Variants in FBXL17 observed in about 807,000 individuals in gnomAD.
FBXL17 encodes the protein F-box/LRR-repeat protein 17.
In FBXL17, 22 loss-of-function variants were observed where a neutral mutation model predicts 66.2. The observed-to-expected ratio is 0.33, with a 90% CI of 0.24 to 0.47. FBXL17 has a LOEUF of 0.47. Among genes scored for constraint, FBXL17 ranks in the 20% least tolerant of loss-of-function variants. The probability of loss-of-function intolerance (pLI) is 1.00; values close to 1 mark genes in which losing one functional copy is unlikely to be tolerated. For synonymous variants in FBXL17, 474 were observed against 400.5 expected, an observed-to-expected ratio of 1.18 and a Z score of -2.19; for missense variants, 878 against 948.2, an observed-to-expected ratio of 0.93 and a Z score of 0.97.
intron 4 of FBXL17, among the ~76,000 whole-genome samples, chr5:108,275,705 A>G (rs1283539561): frequency 6.6e-6 from 1 of 152,208 alleles, no homozygotes; most frequent in African/African-American, 2.4e-5. Flanking sequence ...AATGCAGACA[A>G]AGAGAGACTT....
At chr5:108,163,519 G>C (rs1322996255) in intron 6 of FBXL17, among the ~76,000 whole-genome samples, 1 of 150,064 alleles carries the variant, frequency 6.7e-6, no homozygotes, top group Non-Finnish European at 1.5e-5. Flanking sequence ...TCCTGCCTCA[G>C]CCTCCCGAGT....
chr5:108,189,612 G>A (rs918927645), intron 5 of FBXL17, among the ~76,000 whole-genome samples: 29 of 152,098 alleles, frequency 1.9e-4, no homozygotes, highest in Non-Finnish European at 2.8e-4. Flanking sequence ...CAGGACCCAC[G>A]ATTAGGATGG....
At chr5:108,277,300 A>G (rs1757521705) in intron 4 of FBXL17, among the ~76,000 whole-genome samples, 1 of 152,158 alleles carries the variant, frequency 6.6e-6, no homozygotes, top group South Asian at 2.1e-4. Context: ...AAATAATCTG[A>G]TTTTATTGTT....
chr5:108,174,112 T>C (rs973616447), intron 6 of FBXL17, among the ~76,000 whole-genome samples: 1 of 152,166 alleles, frequency 6.6e-6, no homozygotes, highest in Non-Finnish European at 1.5e-5. Context: ...CAGCAAGCTA[T>C]CATAGCATGA....
intron 6 of FBXL17, among the ~76,000 whole-genome samples, chr5:108,121,262 AG>A (rs1217051916): frequency 2.0e-5 from 3 of 152,240 alleles, no homozygotes; most frequent in Non-Finnish European, 2.9e-5. Context: ...CAGCTGACAG[AG>A]GTTGCAGTGA....
rs976156770 is a variant in FBXL17 at position 107,859,135 on chromosome 5, T to G, written c.*2585A>C. The stretch of plus-strand genomic sequence containing the variant: ...TTTTCTTTATCCACTCAAAAAGACA[T>G]TAAAGACAAAGGACCAGAATTTTCC... On this transcript the variant is annotated 3_prime_UTR_variant, in exon 9 of 9. Transcript: ENST00000542267. The G allele has an allele frequency of 6.6e-6, 1 of 152,142 alleles. No individual in the cohort carries two copies. Among genetic ancestry groups the G allele is most frequent in the Non-Finnish European group, 1.5e-5 (1 of 68,024 alleles). The allele number at this position is 152,142 out of a possible 1,614,324, so 9.4% of individuals were successfully genotyped here.
intron 7 of FBXL17, among the ~76,000 whole-genome samples, chr5:107,927,215 A>G (rs1230195279): frequency 6.6e-6 from 1 of 152,160 alleles, no homozygotes; most frequent in Non-Finnish European, 1.5e-5. Context: ...TGACAGAGTG[A>G]TATGTTATAA....
At chr5:108,093,456 C>A (rs923759038) in intron 6 of FBXL17, among the ~76,000 whole-genome samples, 3 of 152,092 alleles carry the variant, frequency 2.0e-5, no homozygotes, top group Admixed American at 6.6e-5. Flanking sequence ...TGATGTGGAG[C>A]ATTAAAACGA....
intron 7 of FBXL17, among the ~76,000 whole-genome samples, chr5:107,956,578 T>C (rs1364995837): frequency 1.3e-5 from 2 of 152,206 alleles, no homozygotes. Context: ...TAATATCTCA[T>C]AGAGATGTTT....
intron 6 of FBXL17, among the ~76,000 whole-genome samples, chr5:108,093,028 C>A (rs1216968326): frequency 6.6e-6 from 1 of 152,034 alleles, no homozygotes; most frequent in Non-Finnish European, 1.5e-5. Context: ...AGACCAATAA[C>A]AAAATTTAAC....
chr5:108,223,343 T>C (rs986482228), intron 5 of FBXL17, among the ~76,000 whole-genome samples: 15 of 152,148 alleles, frequency 9.9e-5, no homozygotes, highest in African/African-American at 2.2e-4. Context: ...TTTCTAATAG[T>C]TGTGAAATGA....
chr5:108,255,193 TAAGA>T (rs1413193591), intron 4 of FBXL17, among the ~76,000 whole-genome samples: 3 of 152,178 alleles, frequency 2.0e-5, no homozygotes, highest in Non-Finnish European at 2.9e-5. Flanking sequence ...TGAAAAACAT[TAAGA>T]TAGACCATAA....
intron 8 of FBXL17, chr5:107,880,234 AT>A (rs1304198509): frequency 1.2e-3 from 433 of 353,880 alleles, no homozygotes; most frequent in Non-Finnish European, 1.6e-3. Context: ...TGCCTGGCTA[AT>A]TTTTTTTTGT....
rs562878106 is a variant in FBXL17 at position 108,108,427 on chromosome 5, T to G, written c.1745+77690A>C. ...AAAGTGTTTAGAAAACTATAAAGTA[T>G]CATGAGCTCTTTAGATATAGGAGTC... is the stretch of plus-strand genomic sequence containing the variant. On this transcript the variant is annotated intron_variant, in intron 6 of 8. Coordinates refer to ENST00000542267, the MANE Select transcript of FBXL17 (RefSeq NM_001163315.3). 3.3e-5 allele frequency among the ~76,000 whole-genome samples: 5 copies of G among 152,308 alleles called. No individual in the cohort carries two copies. The South Asian group carries it at 1.0e-3, about 32-fold the overall frequency.
chr5:108,275,942 A>G (rs1468237311), intron 4 of FBXL17, among the ~76,000 whole-genome samples: 2 of 152,198 alleles, frequency 1.3e-5, no homozygotes, highest in Non-Finnish European at 2.9e-5. Context: ...TGTACATTGC[A>G]TATAGATTTA....
In FBXL17 at chr5:108,012,381, C is replaced by G. The variant is rs143906530; in HGVS notation, c.1822+8544G>C. Among the ~76,000 whole-genome samples, 1,324 of 152,306 alleles carry G rather than the reference C, an allele frequency of 8.7e-3. 22 individuals are homozygous for G. The highest frequency in any genetic ancestry group is 0.029 in the African/African-American group (1,196 of 41,572). ...ATGGCATGCAACTTACATTTGGTAT[C>G]AGCATGGCAAAGTTATAGTGAATAA... On this transcript the variant is annotated intron_variant, in intron 7 of 8. Coordinates refer to ENST00000542267, the MANE Select transcript of FBXL17 (RefSeq NM_001163315.3).
At chr5:107,968,743 C>G (rs757395520) in intron 7 of FBXL17, among the ~76,000 whole-genome samples, 3 of 152,116 alleles carry the variant, frequency 2.0e-5, no homozygotes, top group Non-Finnish European at 4.4e-5. Flanking sequence ...ATCAAATGCA[C>G]TCTGTACTTT....
chr5:108,140,172 A>G (rs115713418), intron 6 of FBXL17, among the ~76,000 whole-genome samples: 6 of 152,082 alleles, frequency 3.9e-5, no homozygotes, highest in Non-Finnish European at 5.9e-5. Flanking sequence ...CATCCTGCCA[A>G]GTAGTTGGGA....
chr5:107,977,099 C>A (rs375780113), intron 7 of FBXL17, among the ~76,000 whole-genome samples: 61 of 152,214 alleles, frequency 4.0e-4, no homozygotes, highest in African/African-American at 1.4e-3. Flanking sequence ...TATAGGCAAG[C>A]AGGAGCTAAG....
Sources: gnomAD v4.1 joint callset for allele counts (sites outside exome capture counted in the v4.1 genomes callset) on GRCh38, gnomAD v4.1.1 for gene constraint, MANE v1.5 for transcripts, NCBI Gene and HGNC (gene_info 2026-07-23, HGNC 2026-07-21) for gene names.